The following SEMA5B variants were observed in gnomAD, a reference collection of about 807,000 sequenced individuals.
The protein encoded by SEMA5B is semaphorin-5B.
In SEMA5B, 66 loss-of-function variants were observed where a neutral mutation model predicts 135.0. That is an observed-to-expected ratio of 0.49 (90% CI 0.40 to 0.60). SEMA5B has a LOEUF of 0.60. Ranked by LOEUF, SEMA5B falls within the 20% of genes least tolerant of loss-of-function variation. The pLI, the probability that SEMA5B is intolerant of heterozygous loss-of-function variation, is 0.00. For synonymous variants in SEMA5B, 690 were observed against 639.5 expected (o/e 1.08, Z -1.19); for missense variants, 1,501 against 1,566.3 (o/e 0.96, Z 0.70).
intron 12 of SEMA5B, among the ~76,000 whole-genome samples, chr3:122,916,873 G>T (rs1352716000): frequency 6.6e-6 from 1 of 152,160 alleles, no homozygotes; most frequent in African/African-American, 2.4e-5. Flanking sequence ...CTGAGGGCTG[G>T]TCTCTCTACA....
chr3:122,943,291 A>C, intron 4 of SEMA5B, 145 bp downstream of exon 4: 1 of 568,624 alleles, frequency 1.8e-6, no homozygotes, highest in Non-Finnish European at 3.1e-6. Context: ...CTGTGGGGGG[A>C]CAGACATCCA....
chr3:123,014,206 G>C (rs1942500934), intron 1 of SEMA5B, among the ~76,000 whole-genome samples: 1 of 152,218 alleles, frequency 6.6e-6, no homozygotes, highest in African/African-American at 2.4e-5. Context: ...TACCAGAAAG[G>C]GGTCTGAGGT....
chr3:122,924,937 C>T (rs1387604610), intron 9 of SEMA5B, among the ~76,000 whole-genome samples: 1 of 152,194 alleles, frequency 6.6e-6, no homozygotes, highest in African/African-American at 2.4e-5. Context: ...CCTGTTTAAG[C>T]TTTTAAAGGC....
At chr3:122,959,987 C>G (rs950346902) in intron 2 of SEMA5B, among the ~76,000 whole-genome samples, 2 of 152,206 alleles carry the variant, frequency 1.3e-5, no homozygotes, top group African/African-American at 4.8e-5. Context: ...TCAAGCTTAT[C>G]TATTCATTAG....
At chr3:123,008,914 G>T (rs75911561) in intron 1 of SEMA5B, among the ~76,000 whole-genome samples, 9,645 of 152,204 alleles carry the variant, frequency 0.063, 380 homozygotes, top group East Asian at 0.16. Flanking sequence ...GCCCAGGGCT[G>T]GGTGTCACCA....
chr3:122,981,120 G>A (rs1343755822), intron 1 of SEMA5B, among the ~76,000 whole-genome samples: 6 of 152,254 alleles, frequency 3.9e-5, no homozygotes, highest in East Asian at 1.9e-4. Context: ...AGGCTGGTGT[G>A]TGTTAAATGG....
rs34037493 is a variant in SEMA5B, at chr3:122,915,818, G to C, written c.1761C>G (p.Asp587Glu). Residue 587 changes from aspartate to glutamate, a missense_variant, in exon 13 of 23, where the codon GAC becomes GAG. Asp to Glu is a conservative substitution (Grantham distance 45, BLOSUM62 2). Coordinates refer to ENST00000357599, the MANE Select transcript of SEMA5B (RefSeq NM_001031702.4). ...GKQQRCSTLE[D>E]SSNMSLWTQN... Reference sequence around the variant, plus strand: ...GGGTCCAGAGGCTCATGTTGGAGCTGTCCTCGAGTGTGCTGCAACGTTGCT... The same window carrying C: ...GGGTCCAGAGGCTCATGTTGGAGCTCTCCTCGAGTGTGCTGCAACGTTGCT... 4.7e-3 allele frequency: 7,550 copies of C among 1,614,060 alleles called. 298 individuals are homozygous for C. The African/African-American group carries it at 0.083, about 18-fold the overall frequency.
chr3:122,953,166 C>A (rs529081667), intron 2 of SEMA5B, among the ~76,000 whole-genome samples: 1 of 152,262 alleles, frequency 6.6e-6, no homozygotes, highest in Admixed American at 6.5e-5. Context: ...TCTTGTCAGC[C>A]CCTAAGAACA....
chr3:122,968,461 C>T (rs1044911596), intron 1 of SEMA5B, among the ~76,000 whole-genome samples: 5 of 152,196 alleles, frequency 3.3e-5, no homozygotes, highest in African/African-American at 7.2e-5. Context: ...GACCTAGTAG[C>T]GGGATAGGAT....
At chr3:122,989,362 C>A (rs1941800697) in intron 1 of SEMA5B, among the ~76,000 whole-genome samples, 1 of 152,200 alleles carries the variant, frequency 6.6e-6, no homozygotes, top group East Asian at 1.9e-4. Context: ...GGAGAAAGGT[C>A]CCAAGTGCAG....
chr3:123,017,542 A>T (rs771793640), intron 1 of SEMA5B, among the ~76,000 whole-genome samples: 1 of 152,212 alleles, frequency 6.6e-6, no homozygotes, highest in Non-Finnish European at 1.5e-5. Context: ...AGCAACAGAA[A>T]GAATGACCTA....
intron 1 of SEMA5B, among the ~76,000 whole-genome samples, chr3:123,009,731 G>A (rs55975332): frequency 6.6e-6 from 1 of 152,098 alleles, no homozygotes; most frequent in African/African-American, 2.4e-5. Context: ...AGAAAATCAA[G>A]GATCTTCTTT....
rs766605433 is a variant in SEMA5B at position 122,914,012 on chromosome 3, G to A, written c.1989-11C>T. Reference sequence around the variant, plus strand: ...GTCCACGCCCCATTCCTGGCGGGGTGGGAGGGGACAGAGACAGATGCCCCT... The same window carrying A: ...GTCCACGCCCCATTCCTGGCGGGGTAGGAGGGGACAGAGACAGATGCCCCT... On this transcript the variant is annotated splice_polypyrimidine_tract_variant and intron_variant, in intron 14 of 22. Coordinates refer to ENST00000357599, the MANE Select transcript of SEMA5B (RefSeq NM_001031702.4). 3.2e-6 allele frequency: 5 copies of A among 1,572,686 alleles called. No individual in the cohort carries two copies. The African/African-American group carries it at 6.8e-5, about 21-fold the overall frequency.
At chr3:122,964,408 C>A (rs1940730131) in intron 1 of SEMA5B, among the ~76,000 whole-genome samples, 2 of 152,206 alleles carry the variant, frequency 1.3e-5, no homozygotes, top group South Asian at 4.1e-4. Context: ...CTACTTTCCA[C>A]CAGCTAACTG....
chr3:122,987,519 G>T (rs545234169), intron 1 of SEMA5B, among the ~76,000 whole-genome samples: 2 of 152,348 alleles, frequency 1.3e-5, no homozygotes, highest in South Asian at 4.2e-4. Flanking sequence ...AATGCCAGCA[G>T]CAGGAGAGAG....
intron 1 of SEMA5B, among the ~76,000 whole-genome samples, chr3:123,007,379 G>C (rs1942339839): frequency 6.6e-6 from 1 of 152,186 alleles, no homozygotes; most frequent in African/African-American, 2.4e-5. Context: ...ACCCTCACTT[G>C]AGAGCTAAGT....
intron 2 of SEMA5B, among the ~76,000 whole-genome samples, chr3:122,955,059 C>T (rs1254095852): frequency 1.3e-5 from 2 of 151,844 alleles, no homozygotes; most frequent in Admixed American, 6.5e-5. Flanking sequence ...ACCTCAACCT[C>T]CCAAAATGCT....
rs755147289 is a variant in SEMA5B at position 122,966,863 on chromosome 3, CTATTATTATTAT to C, written c.-38-5574_-38-5563del. On this transcript the variant is annotated intron_variant, in intron 1 of 22. Coordinates refer to ENST00000357599, the MANE Select transcript of SEMA5B (RefSeq NM_001031702.4). ...GTGAGCCACCACACCCGGCCTATTA[CTATTATTATTAT>C]TATTATTATTATTATTATTATTATT... Among the ~76,000 whole-genome samples, 12 of 77,762 alleles carry C rather than the reference CTATTATTATTAT, an allele frequency of 1.5e-4. No homozygotes were observed. In the East Asian group the frequency reaches 1.7e-3, roughly 11 times the overall value. The allele number at this position is 77,762 out of a possible 152,430, so 51.0% of individuals were successfully genotyped here.
intron 1 of SEMA5B, among the ~76,000 whole-genome samples, chr3:122,972,341 A>T (rs1461865778): frequency 1.3e-5 from 2 of 152,202 alleles, no homozygotes; most frequent in African/African-American, 4.8e-5. Flanking sequence ...ACTCCAAGCC[A>T]CATGGTAACA....
Sources: allele counts gnomAD v4.1 joint callset (sites outside exome capture counted in the v4.1 genomes callset), GRCh38; gene constraint gnomAD v4.1.1; transcripts MANE v1.5; gene names NCBI Gene and HGNC (gene_info 2026-07-23, HGNC 2026-07-21).